The following AMZ1 variants were observed in gnomAD, a reference collection of about 807,000 sequenced individuals.
AMZ1 encodes the protein archaelysin family metallopeptidase 1.
AMZ1 carries 39 observed loss-of-function variants against 29.9 expected under a neutral mutation model. That is an observed-to-expected ratio of 1.30 (90% confidence interval 1.01 to 1.70). The LOEUF (loss-of-function observed/expected upper bound fraction) is 1.70. AMZ1 is among the 40% of genes most tolerant of loss of function. The pLI is 0.00. For missense variants in AMZ1, 1,041 were observed against 680.6 expected (o/e 1.53, Z -5.89); for synonymous variants, 458 against 304.0 (o/e 1.51, Z -5.27).
rs1342536481 is a variant in AMZ1, at chr7:2,718,515, G to A, written c.*5637G>A. Reference sequence around the variant, plus strand: ...GTTCAGCCCTGACTCTTGGACGCTGGTGGCAGCCGCGGGCGCCCACTCACC... The same window carrying A: ...GTTCAGCCCTGACTCTTGGACGCTGATGGCAGCCGCGGGCGCCCACTCACC... On this transcript the variant is annotated 3_prime_UTR_variant, in exon 7 of 7. Coordinates refer to ENST00000683327, the MANE Select transcript of AMZ1 (RefSeq NM_001384743.1). Among the ~76,000 whole-genome samples the A allele has an allele frequency of 1.3e-5, 2 of 152,218 alleles. No homozygotes were observed. Among genetic ancestry groups the A allele is most frequent in the Non-Finnish European group, 2.9e-5 (2 of 68,044 alleles).
chr7:2,719,971 G>T (rs755950647), downstream of AMZ1, among the ~76,000 whole-genome samples: 4 of 152,130 alleles, frequency 2.6e-5, no homozygotes, highest in East Asian at 7.7e-4. Flanking sequence ...GTCAGCCACC[G>T]TGCCCAGCCT....
At position 2,740,441 on chromosome 7, in the gene AMZ1, C is replaced by T. The variant is rs542387597; in HGVS notation, n.551-24271C>T. ...CAGTGAGAAGCTGGCCGTCTGCAAG[C>T]GAGGAAGACAGCCCTCCCTCACCAG... On this transcript the variant is annotated intron_variant and non_coding_transcript_variant, in intron 4 of 4. Coordinates refer to the AMZ1 transcript ENST00000489665. Among the ~76,000 whole-genome samples, 24 of 152,122 alleles carry T rather than the reference C, an allele frequency of 1.6e-4. 1 individual carries two copies. The highest frequency in any genetic ancestry group is 4.2e-4 in the South Asian group (2 of 4,816).
intron 1 of AMZ1, among the ~76,000 whole-genome samples, chr7:2,682,975 T>C (rs1049623703): frequency 1.3e-5 from 2 of 152,190 alleles, no homozygotes; most frequent in Non-Finnish European, 1.5e-5. Flanking sequence ...CACAGCACTG[T>C]CTGCCTGCAC....
intron 4 of AMZ1, 58 bp from the exon 5 acceptor site, chr7:2,709,017 G>T: frequency 6.6e-7 from 1 of 1,507,628 alleles, no homozygotes; most frequent in South Asian, 1.3e-5. Flanking sequence ...GTTTGACGGT[G>T]GGCCCCCCAG....
chr7:2,742,512 A>G (rs1036415297), intron 4 of AMZ1, among the ~76,000 whole-genome samples: 9 of 152,204 alleles, frequency 5.9e-5, no homozygotes, highest in Admixed American at 4.6e-4. Context: ...ATGGACTCAC[A>G]GACGCTGTCA....
upstream of AMZ1, among the ~76,000 whole-genome samples, chr7:2,687,706 G>C (rs551266097): frequency 3.3e-3 from 3 of 918 alleles, no homozygotes; most frequent in South Asian, 0.045. Flanking sequence ...CTCTCACCTG[G>C]GGCTTCGCTG....
intron 6 of AMZ1, among the ~76,000 whole-genome samples, chr7:2,711,719 C>G (rs1339456693): frequency 6.6e-6 from 1 of 152,142 alleles, no homozygotes; most frequent in Non-Finnish European, 1.5e-5. Context: ...ATGCCCACAC[C>G]TTTGCTTTAA....
intron 3 of AMZ1, among the ~76,000 whole-genome samples, chr7:2,707,867 A>G (rs561854382): frequency 1.6e-5 from 2 of 126,154 alleles, no homozygotes; most frequent in African/African-American, 6.2e-5. Flanking sequence ...TCTGTTGCCC[A>G]GGCTAGAGGG....
chr7:2,710,130 G>C (rs751058872), intron 6 of AMZ1, among the ~76,000 whole-genome samples: 12 of 152,200 alleles, frequency 7.9e-5, no homozygotes, highest in African/African-American at 2.7e-4. Context: ...CGGGTGGCAC[G>C]GTCTTCCCAG....
chr7:2,747,874 C>T (rs1184751127), intron 4 of AMZ1, among the ~76,000 whole-genome samples: 3 of 152,070 alleles, frequency 2.0e-5, no homozygotes, highest in African/African-American at 7.2e-5. Context: ...CAATAACAGA[C>T]AAACAGCCAA....
rs527365363 is a variant in AMZ1, at chr7:2,702,749, C to T, written c.332C>T (p.Ser111Phe). Residue 111 changes from serine to phenylalanine, a missense_variant, in exon 3 of 7, where the codon TCC becomes TTC. Physicochemically the swap from Ser to Phe is radical, Grantham distance 155. Coordinates refer to ENST00000683327, the MANE Select transcript of AMZ1 (RefSeq NM_001384743.1). ...CTGAGCGAGGAGCCGGTGGGAAGCT[C>T]CCTGCTGCACCAGCTGTGCAGCTGC... is the stretch of plus-strand genomic sequence containing the variant. The part of the protein sequence containing the change: ...IDLSEEPVGS[S>F]LLHQLCSCTE... 267 of 1,539,222 alleles carry T rather than the reference C, an allele frequency of 1.7e-4. 2 individuals carry two copies. In the South Asian group the frequency reaches 3.1e-3, roughly 18 times the overall value.
At position 2,713,504 on chromosome 7, in the gene AMZ1, G is replaced by A. The variant is rs1323386233; in HGVS notation, c.*626G>A. ...CCTTCAGTTATTTATAGCTGGAGCT[G>A]GAGAGGCTGGCTCAGATGAGGAGTG... On this transcript the variant is annotated 3_prime_UTR_variant, in exon 7 of 7. Transcript: ENST00000683327. 6.6e-6 allele frequency: 1 copy of A among 152,570 alleles called. No individual in the cohort carries two copies. Among genetic ancestry groups the A allele is most frequent in the Non-Finnish European group, 1.5e-5 (1 of 68,234 alleles). 9.5% of individuals were successfully genotyped at this position (152,570 alleles called of 1,614,324 possible).
At position 2,709,167 on chromosome 7, in the gene AMZ1, G is replaced by T. The variant is rs773929996; in HGVS notation, c.694G>T (p.Asp232Tyr). 7.7e-6 allele frequency: 12 copies of T among 1,559,602 alleles called. No homozygotes were observed. The highest frequency in any genetic ancestry group is 2.3e-5 in the East Asian group (1 of 43,696). The stretch of plus-strand genomic sequence containing the variant: ...TCTGGCCCTGGTAGAGGCAGCAGCA[G>T]ACGGCCCCGAGGCCCCCCTGCAGGA... ...PDLALVEAAA[D>Y]GPEAPLQDRG... The change falls in exon 5 of 7, where the codon GAC (aspartate) becomes TAC (tyrosine). Residue 232 changes from aspartate (D) to tyrosine (Y), a missense_variant. By Grantham distance (160) the Asp-to-Tyr change is radical (BLOSUM62 -3). Transcript: ENST00000683327.
chr7:2,726,172 C>A (rs1213941405), intron 4 of AMZ1, among the ~76,000 whole-genome samples: 1 of 152,230 alleles, frequency 6.6e-6, no homozygotes, highest in Admixed American at 6.5e-5. Context: ...GGAAAGGCTG[C>A]ATGTGCGTGA....
chr7:2,697,579 A>G (rs1389577882), intron 1 of AMZ1, among the ~76,000 whole-genome samples: 1 of 151,894 alleles, frequency 6.6e-6, no homozygotes, highest in Non-Finnish European at 1.5e-5. Context: ...GCGCGTCACC[A>G]TGCCCGGCTA....
intron 4 of AMZ1, among the ~76,000 whole-genome samples, chr7:2,737,853 T>C (rs372830837): frequency 1.1e-4 from 16 of 152,318 alleles, no homozygotes; most frequent in African/African-American, 3.6e-4. Context: ...TTCCACTGAA[T>C]AGAGACGCTA....
At chr7:2,699,287 GC>G (rs1217629593) in intron 1 of AMZ1, among the ~76,000 whole-genome samples, 1 of 152,196 alleles carries the variant, frequency 6.6e-6, no homozygotes, top group Non-Finnish European at 1.5e-5. Flanking sequence ...AGCTGCTGCT[GC>G]TCCGGTCAGA....
At position 2,731,456 on chromosome 7, in the gene AMZ1, T is replaced by C. The variant is rs1789889974; in HGVS notation, n.550+21640T>C. The C allele has an allele frequency of 1.2e-6, 2 of 1,613,930 alleles. No homozygotes were observed. Among genetic ancestry groups the C allele is most frequent in the Non-Finnish European group, 1.7e-6 (2 of 1,179,916 alleles). ...TCCATCTTGTTGAGGAAGAGAATGA[T>C]GGAGACGTTGAAGAAGAGCTTGTTG... On this transcript the variant is annotated intron_variant and non_coding_transcript_variant, in intron 4 of 4. Coordinates refer to the AMZ1 transcript ENST00000489665. The surrounding 1 kb of genome is among the most constrained non-coding windows in gnomAD (Gnocchi z 6.0).
At chr7:2,711,174 A>G (rs996042796) in intron 6 of AMZ1, among the ~76,000 whole-genome samples, 1 of 152,192 alleles carries the variant, frequency 6.6e-6, no homozygotes, top group Non-Finnish European at 1.5e-5. Context: ...GAAGAGGGCC[A>G]GGGCAAAGGC....
Sources: allele counts gnomAD v4.1 joint callset (sites outside exome capture counted in the v4.1 genomes callset), GRCh38; gene constraint gnomAD v4.1.1; non-coding constraint Gnocchi (gnomAD v3.1); transcripts MANE v1.5; gene names NCBI Gene and HGNC (gene_info 2026-07-23, HGNC 2026-07-21).